Variants in NREP observed in about 807,000 individuals in gnomAD.
The protein encoded by NREP is neuronal regeneration related protein.
In NREP, 5 loss-of-function variants were observed where a neutral mutation model predicts 8.6. That is an observed-to-expected ratio of 0.58 (90% confidence interval 0.30 to 1.22). The LOEUF is 1.22. NREP is among the 50% of genes most tolerant of loss of function. The probability of loss-of-function intolerance (pLI) is 0.07; values close to 1 mark genes in which losing one functional copy is unlikely to be tolerated. For missense variants in NREP, 86 were observed against 82.5 expected, an observed-to-expected ratio of 1.04 and a Z score of -0.17; for synonymous variants, 27 against 28.0, an observed-to-expected ratio of 0.96 and a Z score of 0.11.
chr5:111,758,268 C>T, upstream of NREP: 1 of 985,328 alleles, frequency 1.0e-6, no homozygotes, highest in Non-Finnish European at 1.2e-6. Context: ...GCCAGAGCTG[C>T]GGCCTGGCGT....
At chr5:111,925,404 C>T (rs770587504) in intron 2 of NREP, among the ~76,000 whole-genome samples, 1 of 152,122 alleles carries the variant, frequency 6.6e-6, no homozygotes, top group South Asian at 2.1e-4. Flanking sequence ...ATTAGTGGAT[C>T]CTGTACTTTA....
At chr5:111,859,694 C>T (rs528016500) in intron 2 of NREP, among the ~76,000 whole-genome samples, 4 of 152,188 alleles carry the variant, frequency 2.6e-5, no homozygotes, top group African/African-American at 9.6e-5. Context: ...AGGTCAAGCC[C>T]GGCCATGCTG....
rs1463801156 is a variant in NREP, at chr5:111,730,159, T to C, written c.*762A>G. Reference sequence around the variant, plus strand: ...CCGTGAGCGCCAGCCAACGAGACAATGGTCTCTCACACTCTGGTAGCATTC... The same window carrying C: ...CCGTGAGCGCCAGCCAACGAGACAACGGTCTCTCACACTCTGGTAGCATTC... On this transcript the variant is annotated 3_prime_UTR_variant, in exon 4 of 4. Transcript: ENST00000257435. 1.3e-5 allele frequency: 2 copies of C among 152,308 alleles called. No homozygotes were observed. Among genetic ancestry groups the C allele is most frequent in the Admixed American group, 1.3e-4 (2 of 15,236 alleles). The allele number at this position is 152,308 out of a possible 1,614,324, so 9.4% of individuals were successfully genotyped here.
chr5:111,817,418 T>G (rs1752408612), intron 2 of NREP, among the ~76,000 whole-genome samples: 1 of 152,210 alleles, frequency 6.6e-6, no homozygotes, highest in African/African-American at 2.4e-5. Flanking sequence ...CTGAAGTTTT[T>G]GTCAATCAGA....
At chr5:111,896,634 A>G (rs752468515) in intron 2 of NREP, among the ~76,000 whole-genome samples, 1 of 152,204 alleles carries the variant, frequency 6.6e-6, no homozygotes, top group Non-Finnish European at 1.5e-5. Context: ...TAACTTACAT[A>G]TTTCATGCCC....
chr5:111,912,753 G>T (rs902207454), intron 2 of NREP: 1 of 152,076 alleles, frequency 6.6e-6, no homozygotes, highest in East Asian at 1.9e-4. Flanking sequence ...ATACATCTTT[G>T]TATTCTTCAT....
At chr5:111,819,864 A>C (rs1274977176) in intron 2 of NREP, among the ~76,000 whole-genome samples, 1 of 152,178 alleles carries the variant, frequency 6.6e-6, no homozygotes, top group African/African-American at 2.4e-5. Flanking sequence ...TCAGGACTAC[A>C]CTTGGAACAG....
intron 2 of NREP, among the ~76,000 whole-genome samples, chr5:111,863,121 C>CTGTA (rs35962760): frequency 0.042 from 6,413 of 151,916 alleles, 333 homozygotes; most frequent in East Asian, 0.23. Context: ...AGCTAGAAGG[C>CTGTA]TGTAGCAGTG....
intron 2 of NREP, among the ~76,000 whole-genome samples, chr5:111,823,233 C>G (rs1228375907): frequency 6.6e-6 from 1 of 152,160 alleles, no homozygotes; most frequent in Non-Finnish European, 1.5e-5. Flanking sequence ...CAAGGGAAGA[C>G]ATTAATCTAT....
intron 2 of NREP, among the ~76,000 whole-genome samples, chr5:111,972,413 T>G (rs1207331460): frequency 6.6e-6 from 1 of 152,248 alleles, no homozygotes; most frequent in East Asian, 1.9e-4. Flanking sequence ...AGGATTGCAG[T>G]GGTTTTCAAA....
At chr5:111,812,480 G>A (rs936252520) in intron 2 of NREP, among the ~76,000 whole-genome samples, 1 of 152,076 alleles carries the variant, frequency 6.6e-6, no homozygotes, top group African/African-American at 2.4e-5. Context: ...AAAAAGAGAG[G>A]ATGAAGGAAA....
chr5:111,934,169 A>T (rs1462070193), intron 2 of NREP, among the ~76,000 whole-genome samples: 1 of 152,026 alleles, frequency 6.6e-6, no homozygotes, highest in Non-Finnish European at 1.5e-5. Context: ...TCATGGGCAG[A>T]CCTAGGTTGT....
intron 2 of NREP, among the ~76,000 whole-genome samples, chr5:111,917,192 T>A (rs1227671323): frequency 2.6e-5 from 4 of 151,990 alleles, no homozygotes; most frequent in African/African-American, 9.7e-5. Context: ...ACCAATAACA[T>A]GTTCTGAAAT....
At chr5:111,946,806 G>A (rs1039782772) in intron 2 of NREP, among the ~76,000 whole-genome samples, 12 of 152,064 alleles carry the variant, frequency 7.9e-5, no homozygotes, top group Non-Finnish European at 1.6e-4. Flanking sequence ...GCTAGGAGAA[G>A]ATCAGGTCTA....
intron 2 of NREP, among the ~76,000 whole-genome samples, chr5:111,876,435 T>C (rs1581182162): frequency 6.6e-6 from 1 of 152,092 alleles, no homozygotes; most frequent in Admixed American, 6.5e-5. Flanking sequence ...AAAGCCTGGG[T>C]ACCAATTGAT....
intron 2 of NREP, among the ~76,000 whole-genome samples, chr5:111,877,703 G>T (rs761668309): frequency 6.6e-6 from 1 of 152,326 alleles, no homozygotes; most frequent in Admixed American, 6.5e-5. Context: ...CCTAAGCTTT[G>T]TTCCATTTAT....
chr5:111,731,664 G>T (rs73787357), intron 3 of NREP: 14,921 of 152,404 alleles, frequency 0.098, 2,003 homozygotes, highest in African/African-American at 0.31. Flanking sequence ...GAAAGTGGGG[G>T]CTAGTGGGGA....
At chr5:111,951,003 A>G (rs781338136) in intron 2 of NREP, among the ~76,000 whole-genome samples, 7 of 152,046 alleles carry the variant, frequency 4.6e-5, no homozygotes, top group Non-Finnish European at 8.8e-5. Context: ...ATAGGTTAAC[A>G]CTATCCTGAA....
At chr5:111,927,962 G>A (rs1755435191) in intron 2 of NREP, among the ~76,000 whole-genome samples, 1 of 152,010 alleles carries the variant, frequency 6.6e-6, no homozygotes, top group Non-Finnish European at 1.5e-5. Context: ...AAAAAGTCTG[G>A]GGCTTCATAG....
Sources: gnomAD v4.1 joint callset for allele counts (sites outside exome capture counted in the v4.1 genomes callset) on GRCh38, gnomAD v4.1.1 for gene constraint, MANE v1.5 for transcripts, NCBI Gene and HGNC (gene_info 2026-07-23, HGNC 2026-07-21) for gene names.